The following ZNF286A variants were observed in gnomAD, a reference collection of about 807,000 sequenced individuals.
The protein encoded by ZNF286A is zinc finger protein 286A.
ZNF286A carries 34 observed loss-of-function variants against 49.3 expected under a neutral mutation model. The ratio of observed to expected loss-of-function variants is 0.69; its 90% CI spans 0.52 to 0.92. The LOEUF is 0.92. Ranked by LOEUF, ZNF286A falls within the 40% of genes least tolerant of loss-of-function variation. The pLI, the probability that ZNF286A is intolerant of heterozygous loss-of-function variation, is 0.00. For missense variants in ZNF286A, 462 were observed against 600.2 expected (o/e 0.77, Z 2.41); for synonymous variants, 155 against 200.4 (o/e 0.77, Z 1.91).
At chr17:15,706,272 A>G (rs1205813628) in intron 3 of ZNF286A, 115 bp from the exon 4 acceptor site, 1 of 739,072 alleles carries the variant, frequency 1.4e-6, no homozygotes, top group African/African-American at 1.8e-5. Flanking sequence ...CATTTATCAT[A>G]GTCAGTTCCC....
At chr17:15,713,457 G>GA (rs1387919625) in intron 5 of ZNF286A, among the ~76,000 whole-genome samples, 1 of 152,190 alleles carries the variant, frequency 6.6e-6, no homozygotes, top group Non-Finnish European at 1.5e-5. Context: ...CATGCATGGA[G>GA]AAAATCCAGC....
intron 5 of ZNF286A, among the ~76,000 whole-genome samples, chr17:15,710,262 T>C (rs1044342222): frequency 1.3e-5 from 2 of 151,624 alleles, no homozygotes; most frequent in Non-Finnish European, 2.9e-5. Flanking sequence ...GTTAGGCATA[T>C]AGAATTAAAC....
chr17:15,720,109 A>T lies in ZNF286A; in HGVS notation c.*2819A>T, dbSNP rs1967297513. Reference sequence around the variant, plus strand: ...ACTAAGCAGTCATGTGACCTTGGAAAAACTCCCTACTCTGAGTCTCAGTTT... The same window carrying T: ...ACTAAGCAGTCATGTGACCTTGGAATAACTCCCTACTCTGAGTCTCAGTTT... On this transcript the variant is annotated 3_prime_UTR_variant, in exon 6 of 6. Transcript: ENST00000583566. 1 of 152,046 alleles carries T rather than the reference A, an allele frequency of 6.6e-6. No individual in the cohort carries two copies. Among genetic ancestry groups the T allele is most frequent in the South Asian group, 2.1e-4 (1 of 4,816 alleles). The allele number at this position is 152,046 out of a possible 1,614,324, so 9.4% of individuals were successfully genotyped here.
Position 15,717,379 on chromosome 17 carries a change from C to T in ZNF286A, c.*89C>T. ...AGGTGGAAGGCGCATCCATAATATG[C>T]ATGTGAGGACCAATTCTGTATGCAT... On this transcript the variant is annotated 3_prime_UTR_variant, in exon 6 of 6. Transcript: ENST00000583566. The T allele has an allele frequency of 1.4e-6, 2 of 1,443,484 alleles. No individual in the cohort carries two copies. The highest frequency in any genetic ancestry group is 2.9e-5 in the South Asian group (2 of 68,324). The allele number at this position is 1,443,484 out of a possible 1,614,324, so 89.4% of individuals were successfully genotyped here.
chr17:15,701,522 G>T, intron 3 of ZNF286A: 1 of 276,136 alleles, frequency 3.6e-6, no homozygotes, highest in Non-Finnish European at 6.9e-6. Context: ...GCTTGGTAAT[G>T]TGAGAAACTA....
chr17:15,716,291 T>A lies in ZNF286A; in HGVS notation c.567T>A (p.His189Gln), dbSNP rs1236945076. 1.2e-6 allele frequency: 2 copies of A among 1,613,900 alleles called. No individual in the cohort carries two copies. Among genetic ancestry groups the A allele is most frequent in the South Asian group, 2.2e-5 (2 of 91,074 alleles). Residue 189 changes from histidine (H) to glutamine (Q), a missense_variant, in exon 6 of 6, where the codon CAT (histidine) becomes CAA (glutamine). By Grantham distance (24) the His-to-Gln change is conservative. Coordinates refer to ENST00000583566, the MANE Select transcript of ZNF286A (RefSeq NM_001130842.2). Reference sequence around the variant, plus strand: ...ATTCACTCTCTGAGGAAACAGACCATAAGCATGATGTATACTGGAAAAGCT... The same window carrying A: ...ATTCACTCTCTGAGGAAACAGACCAAAAGCATGATGTATACTGGAAAAGCT... ...HMNSLSEETD[H>Q]KHDVYWKSFN...
At chr17:15,704,183 G>A in intron 3 of ZNF286A, 1 of 1,320,956 alleles carries the variant, frequency 7.6e-7, no homozygotes, top group South Asian at 1.3e-5. Flanking sequence ...GAGTTGGAGG[G>A]AGGGGACAGG....
chr17:15,714,482 G>C lies in ZNF286A; in HGVS notation c.335-1577G>C, dbSNP rs548469929. ...TTTATTTATTTAACAAGCACTTAAT[G>C]TAGCACTTATGCTGTGTCAGAGTTT... On this transcript the variant is annotated intron_variant, in intron 5 of 5. Coordinates refer to ENST00000583566, the MANE Select transcript of ZNF286A (RefSeq NM_001130842.2). Among the ~76,000 whole-genome samples, 269 of 152,156 alleles carry C rather than the reference G, an allele frequency of 1.8e-3. 1 individual carries two copies. Among genetic ancestry groups the C allele is most frequent in the African/African-American group, 6.2e-3 (256 of 41,530 alleles).
intron 5 of ZNF286A, 75 bp from the exon 6 acceptor site, chr17:15,715,984 C>G: frequency 3.1e-6 from 5 of 1,593,582 alleles, no homozygotes; most frequent in Non-Finnish European, 2.6e-6. Context: ...CTTTCATTAA[C>G]TCTTACCTAT....
In ZNF286A at chr17:15,716,828, A is replaced by G. The variant is rs1454660752; in HGVS notation, c.1104A>G (p.Ala368=). ...ATAAAGCTTTTATTCATTCATCAGCACTCATTAAACATCAAAGAACTCATA... is the reference window on the plus strand; with the variant it reads ...ATAAAGCTTTTATTCATTCATCAGCGCTCATTAAACATCAAAGAACTCATA... The part of the protein sequence containing the change: ...ECDKAFIHSS[A]LIKHQRTHTG... Residue 368 remains alanine (A), a synonymous_variant, in exon 6 of 6, where the codon GCA becomes GCG. Coordinates refer to ENST00000583566, the MANE Select transcript of ZNF286A (RefSeq NM_001130842.2). 1 of 1,613,136 alleles carries G rather than the reference A, an allele frequency of 6.2e-7. No homozygotes were observed. The highest frequency in any genetic ancestry group is 8.5e-7 in the Non-Finnish European group (1 of 1,179,628).
At chr17:15,709,916 A>G (rs1990530899) in intron 5 of ZNF286A, 20 of 1,528,266 alleles carry the variant, frequency 1.3e-5, no homozygotes, top group Non-Finnish European at 1.8e-5. Flanking sequence ...AAATCATCAC[A>G]TGTTTAGCTT....
rs567849661 is a variant in ZNF286A at position 15,718,989 on chromosome 17, A to G, written c.*1699A>G. ...CAAATCTCATGAGAACTCTATCACGAGACAGCAGTAGGGGGACAGTGCTAA... is the reference window on the plus strand; with the variant it reads ...CAAATCTCATGAGAACTCTATCACGGGACAGCAGTAGGGGGACAGTGCTAA... On this transcript the variant is annotated 3_prime_UTR_variant, in exon 6 of 6. Coordinates refer to ENST00000583566, the MANE Select transcript of ZNF286A (RefSeq NM_001130842.2). The G allele has an allele frequency of 7.8e-6, 1 of 127,608 alleles. No individual in the cohort carries two copies. Among genetic ancestry groups the G allele is most frequent in the Non-Finnish European group, 1.6e-5 (1 of 61,114 alleles). The allele number at this position is 127,608 out of a possible 1,614,324, so 7.9% of individuals were successfully genotyped here. A position where few individuals can be genotyped will look rare whatever the true frequency, so the allele number is the denominator to read the frequency against.
chr17:15,701,376 G>T (rs1989764608), intron 3 of ZNF286A, 136 bp downstream of exon 3: 1 of 632,132 alleles, frequency 1.6e-6, no homozygotes, highest in Non-Finnish European at 2.7e-6. Flanking sequence ...AGACTAGTCA[G>T]GAGACTAATG....
chr17:15,717,765 A>C lies in ZNF286A; in HGVS notation c.*475A>C, dbSNP rs62071728. 0.46 allele frequency: 71,617 copies of C among 155,152 alleles called. 17,351 individuals carry two copies. Among genetic ancestry groups the C allele is most frequent in the African/African-American group, 0.59 (24,412 of 41,064 alleles). The allele number at this position is 155,152 out of a possible 1,614,324, so 9.6% of individuals were successfully genotyped here. A position where few individuals can be genotyped will look rare whatever the true frequency, so the allele number is the denominator to read the frequency against. ...ATATGGTATAATTCATCTAGAGTGT[A>C]ATTTCTTTTATATTAGCCTTAAAAA... is the stretch of plus-strand genomic sequence containing the variant. On this transcript the variant is annotated 3_prime_UTR_variant, in exon 6 of 6. Coordinates refer to ENST00000583566, the MANE Select transcript of ZNF286A (RefSeq NM_001130842.2).
chr17:15,716,040 C>A lies in ZNF286A; in HGVS notation c.335-19C>A. 6.2e-7 allele frequency: 1 copy of A among 1,613,826 alleles called. No individual in the cohort carries two copies. Among genetic ancestry groups the A allele is most frequent in the African/African-American group, 1.3e-5 (1 of 75,038 alleles). On this transcript the variant is annotated intron_variant, in intron 5 of 5. Coordinates refer to ENST00000583566, the MANE Select transcript of ZNF286A (RefSeq NM_001130842.2). The stretch of plus-strand genomic sequence containing the variant: ...GAGCACAGAAAACGAAGGAAATTTG[C>A]ATTTCCAATGTCTTTCAGACATGGA...
chr17:15,717,562 TAGC>T lies in ZNF286A; in HGVS notation c.*275_*277del, dbSNP rs1388396425. On this transcript the variant is annotated 3_prime_UTR_variant, in exon 6 of 6. Coordinates refer to ENST00000583566, the MANE Select transcript of ZNF286A (RefSeq NM_001130842.2). ...AATTCAAGAAGTCCCTGAGAGTAGGTAGCAGTACGAACATTGTGAAATCCAGTT... is the reference window on the plus strand; with the variant it reads ...AATTCAAGAAGTCCCTGAGAGTAGGTAGTACGAACATTGTGAAATCCAGTT... The T allele has an allele frequency of 2.4e-5, 12 of 493,050 alleles. No homozygotes were observed. Among genetic ancestry groups the T allele is most frequent in the African/African-American group, 2.3e-4 (12 of 51,380 alleles). The allele number at this position is 493,050 out of a possible 1,614,324, so 30.5% of individuals were successfully genotyped here.
At position 15,717,098 on chromosome 17, in the gene ZNF286A, A is replaced by C; in HGVS notation, c.1374A>C (p.Arg458Ser). ...GCTCCAATTTTGCTAAACATCAAAG[A>C]ATTCATATTGGAAAGAAACCGTACA... Reference protein sequence around the residue: ...SRSSNFAKHQRIHIGKKPYKC... With the variant: ...SRSSNFAKHQSIHIGKKPYKC... Residue 458 changes from arginine (R) to serine (S), a missense_variant, in exon 6 of 6, where the codon AGA becomes AGC. By Grantham distance (110) the Arg-to-Ser change is moderately radical (BLOSUM62 -1). Transcript: ENST00000583566. 2 of 1,614,106 alleles carry C rather than the reference A, an allele frequency of 1.2e-6. No homozygotes were observed. The highest frequency in any genetic ancestry group is 1.7e-6 in the Non-Finnish European group (2 of 1,180,030).
chr17:15,701,179 T>G lies in ZNF286A; in HGVS notation c.65T>G (p.Phe22Cys). 2 of 1,614,108 alleles carry G rather than the reference T, an allele frequency of 1.2e-6. No individual in the cohort carries two copies. Among genetic ancestry groups the G allele is most frequent in the Non-Finnish European group, 1.7e-6 (2 of 1,180,022 alleles). Reference protein sequence around the residue: ...GALSSQDSPHFQEKSTEEGEV... With the variant: ...GALSSQDSPHCQEKSTEEGEV... The stretch of plus-strand genomic sequence containing the variant: ...CTGTCTTCCCAGGATTCTCCCCATT[T>G]CCAAGAGAAGAGCACAGAAGAGGGA... Residue 22 changes from phenylalanine (F) to cysteine (C), a missense_variant, in exon 3 of 6, where the codon TTC becomes TGC. Phe to Cys is a radical substitution (Grantham distance 205). Coordinates refer to ENST00000583566, the MANE Select transcript of ZNF286A (RefSeq NM_001130842.2).
intron 3 of ZNF286A, 91 bp from the exon 4 acceptor site, chr17:15,706,296 C>A: frequency 2.1e-6 from 2 of 974,730 alleles, no homozygotes; most frequent in Non-Finnish European, 1.6e-6. Context: ...TTAAGTGCAT[C>A]TCAGGCTTTT....
Sources: allele counts gnomAD v4.1 joint callset (sites outside exome capture counted in the v4.1 genomes callset), GRCh38; gene constraint gnomAD v4.1.1; transcripts MANE v1.5; gene names NCBI Gene and HGNC (gene_info 2026-07-23, HGNC 2026-07-21).